Variants in ARHGAP24 observed in about 807,000 individuals in gnomAD.
ARHGAP24 encodes rho GTPase-activating protein 24.
A neutral mutation model predicts 76.4 loss-of-function variants in ARHGAP24; 50 were observed. That is an observed-to-expected ratio of 0.65 (90% CI 0.52 to 0.83). The LOEUF is 0.83. ARHGAP24 is among the 40% of genes least tolerant of loss of function. ARHGAP24 has a pLI of 0.00. For synonymous variants in ARHGAP24, 345 were observed against 323.3 expected (o/e 1.07, Z -0.72); for missense variants, 930 against 914.2 (o/e 1.02, Z -0.22).
chr4:85,848,273 T>C (rs979522322), intron 3 of ARHGAP24, among the ~76,000 whole-genome samples: 2 of 152,300 alleles, frequency 1.3e-5, no homozygotes, highest in East Asian at 3.9e-4. Context: ...CATGTTGGTT[T>C]GCTGCACCCA....
intron 3 of ARHGAP24, among the ~76,000 whole-genome samples, chr4:85,864,280 C>T (rs540378869): frequency 6.6e-6 from 1 of 152,168 alleles, no homozygotes; most frequent in Non-Finnish European, 1.5e-5. Context: ...TTGCTGTCTG[C>T]CTAAGGAATT....
intron 2 of ARHGAP24, among the ~76,000 whole-genome samples, chr4:85,621,278 A>G (rs1461298537): frequency 2.6e-5 from 4 of 152,120 alleles, no homozygotes; most frequent in Admixed American, 1.3e-4. Flanking sequence ...CTTTGGGTAG[A>G]TACCCAGTAA....
chr4:85,939,638 A>T (rs903744645), intron 4 of ARHGAP24, among the ~76,000 whole-genome samples: 62 of 152,176 alleles, frequency 4.1e-4, no homozygotes, highest in African/African-American at 1.4e-3. Flanking sequence ...AAGAAAGTAA[A>T]AAGGAAACCG....
At chr4:85,612,711 AT>A (rs1467432378) in intron 2 of ARHGAP24, among the ~76,000 whole-genome samples, 1 of 147,430 alleles carries the variant, frequency 6.8e-6, no homozygotes, top group Non-Finnish European at 1.5e-5. Flanking sequence ...ATTTTGCCAT[AT>A]TTTTTCATAC....
At chr4:85,704,481 A>G (rs551632779) in intron 2 of ARHGAP24, among the ~76,000 whole-genome samples, 2 of 152,302 alleles carry the variant, frequency 1.3e-5, no homozygotes, top group Admixed American at 1.3e-4. Flanking sequence ...AAGAAAAAAT[A>G]TGGTAGTGAT....
chr4:85,678,330 A>G (rs1014708549), intron 2 of ARHGAP24, among the ~76,000 whole-genome samples: 1 of 152,162 alleles, frequency 6.6e-6, no homozygotes, highest in African/African-American at 2.4e-5. Context: ...TGATTGCACC[A>G]CTGTACTCCA....
intron 3 of ARHGAP24, among the ~76,000 whole-genome samples, chr4:85,786,776 C>T (rs923666601): frequency 6.6e-5 from 10 of 152,212 alleles, no homozygotes; most frequent in Non-Finnish European, 1.3e-4. Context: ...TTCTCATATA[C>T]ATGGCTGGCT....
intron 2 of ARHGAP24, among the ~76,000 whole-genome samples, chr4:85,628,699 A>C (rs750735279): frequency 6.6e-6 from 1 of 152,096 alleles, no homozygotes; most frequent in Non-Finnish European, 1.5e-5. Flanking sequence ...CTTTACATGT[A>C]TTTACAATTA....
intron 3 of ARHGAP24, among the ~76,000 whole-genome samples, chr4:85,849,288 C>T (rs1179226315): frequency 1.3e-5 from 2 of 150,490 alleles, no homozygotes; most frequent in Non-Finnish European, 1.5e-5. Context: ...GATTTTTGTA[C>T]ATTGATTTTG....
intron 2 of ARHGAP24, among the ~76,000 whole-genome samples, chr4:85,607,683 CTTTTT>C (rs1160443073): frequency 8.1e-6 from 1 of 123,292 alleles, no homozygotes; most frequent in African/African-American, 3.1e-5. Flanking sequence ...CTTTTCTTTT[CTTTTT>C]TTTTTTTTTA....
intron 9 of ARHGAP24, among the ~76,000 whole-genome samples, chr4:85,998,323 A>C (rs1009095154): frequency 6.6e-6 from 1 of 152,150 alleles, no homozygotes; most frequent in Non-Finnish European, 1.5e-5. Context: ...ATCATTAATT[A>C]GTGCCTATTT....
chr4:85,541,893 A>G (rs4450924), intron 1 of ARHGAP24, among the ~76,000 whole-genome samples: 18,678 of 152,064 alleles, frequency 0.12, 3,237 homozygotes, highest in African/African-American at 0.39. Flanking sequence ...GGAAGGCCTG[A>G]CCTAGTACAC....
intron 1 of ARHGAP24, among the ~76,000 whole-genome samples, chr4:85,492,558 A>AT (rs1723401772): frequency 6.6e-6 from 1 of 152,150 alleles, no homozygotes; most frequent in Non-Finnish European, 1.5e-5. Flanking sequence ...CACTTAAAAC[A>AT]TTTTTTTAAA....
intron 3 of ARHGAP24, among the ~76,000 whole-genome samples, chr4:85,783,334 C>T (rs190518511): frequency 2.0e-5 from 3 of 152,188 alleles, no homozygotes; most frequent in East Asian, 1.9e-4. Context: ...GAACATGGCT[C>T]CTATTGTTGG....
chr4:85,873,450 T>TCTG (rs1417244305), intron 3 of ARHGAP24, among the ~76,000 whole-genome samples: 6 of 152,184 alleles, frequency 3.9e-5, no homozygotes, highest in Admixed American at 6.5e-5. Context: ...ATACTGGGAA[T>TCTG]TATCTACTGT....
intron 3 of ARHGAP24, among the ~76,000 whole-genome samples, chr4:85,811,964 T>C (rs998423470): frequency 1.3e-5 from 2 of 152,094 alleles, no homozygotes; most frequent in Non-Finnish European, 2.9e-5. Context: ...TCACCTAAGG[T>C]CAGGAGTTTG....
intron 2 of ARHGAP24, among the ~76,000 whole-genome samples, chr4:85,673,983 C>T (rs932710529): frequency 6.6e-6 from 1 of 151,264 alleles, no homozygotes; most frequent in African/African-American, 2.5e-5. Context: ...AAAATCTGGA[C>T]TAATGTGTTG....
intron 2 of ARHGAP24, among the ~76,000 whole-genome samples, chr4:85,690,196 T>C (rs1723577174): frequency 6.6e-6 from 1 of 152,212 alleles, no homozygotes; most frequent in Non-Finnish European, 1.5e-5. Flanking sequence ...TTGCGGATTT[T>C]TGCATTGATA....
intron 1 of ARHGAP24, among the ~76,000 whole-genome samples, chr4:85,536,217 A>G (rs1028708538): frequency 6.6e-6 from 1 of 152,154 alleles, no homozygotes; most frequent in Non-Finnish European, 1.5e-5. Flanking sequence ...AAAGAACCAC[A>G]CAAATGAATA....
Sources: gnomAD v4.1 joint callset for allele counts (sites outside exome capture counted in the v4.1 genomes callset) on GRCh38, gnomAD v4.1.1 for gene constraint, MANE v1.5 for transcripts, NCBI Gene and HGNC (gene_info 2026-07-23, HGNC 2026-07-21) for gene names.